The following RBMS3 variants were observed in gnomAD, a reference collection of about 807,000 sequenced individuals.
RBMS3 encodes RNA binding motif single stranded interacting protein 3.
In RBMS3, 27 loss-of-function variants were observed where a neutral mutation model predicts 66.8. The observed-to-expected ratio is 0.40, with a 90% confidence interval of 0.30 to 0.56. The LOEUF is 0.56. RBMS3 is among the 20% of genes least tolerant of loss of function. RBMS3 has a pLI of 0.40. For missense variants in RBMS3, 513 were observed against 549.5 expected (o/e 0.93, Z 0.66); for synonymous variants, 188 against 183.0 (o/e 1.03, Z -0.22).
intron 4 of RBMS3, among the ~76,000 whole-genome samples, chr3:29,658,854 G>A (rs1484153673): frequency 6.6e-6 from 1 of 152,156 alleles, no homozygotes; most frequent in Non-Finnish European, 1.5e-5. Flanking sequence ...ACGGAGTCTC[G>A]CTCTGTCAGC....
chr3:29,901,603 T>C (rs1246408363), intron 10 of RBMS3, among the ~76,000 whole-genome samples: 3 of 151,750 alleles, frequency 2.0e-5, no homozygotes, highest in Non-Finnish European at 2.9e-5. Flanking sequence ...CGTGTTCGCA[T>C]GTATTATTTC....
intron 14 of RBMS3, among the ~76,000 whole-genome samples, chr3:30,002,365 G>A (rs1699649629): frequency 1.3e-5 from 2 of 151,534 alleles, no homozygotes; most frequent in African/African-American, 4.8e-5. Context: ...AGATGGGAGT[G>A]AGAACAAAGA....
chr3:29,870,866 A>C (rs1165569911), intron 7 of RBMS3, among the ~76,000 whole-genome samples: 1 of 152,132 alleles, frequency 6.6e-6, no homozygotes, highest in Non-Finnish European at 1.5e-5. Flanking sequence ...TTGAGAGAAG[A>C]TAGATTAGGC....
chr3:29,421,932 G>A (rs753246108), intron 1 of RBMS3, among the ~76,000 whole-genome samples: 3 of 152,270 alleles, frequency 2.0e-5, no homozygotes, highest in Middle Eastern at 3.4e-3. Flanking sequence ...CCAAAAGAAC[G>A]TTACTGTTCA....
At chr3:29,910,836 A>T (rs1486079046) in intron 10 of RBMS3, among the ~76,000 whole-genome samples, 2 of 151,988 alleles carry the variant, frequency 1.3e-5, no homozygotes, top group Non-Finnish European at 2.9e-5. Flanking sequence ...AGGTTTGCTT[A>T]AAGAATTATG....
chr3:29,912,004 TAA>T (rs1553698601), intron 10 of RBMS3, among the ~76,000 whole-genome samples: 1 of 151,932 alleles, frequency 6.6e-6, no homozygotes, highest in African/African-American at 2.4e-5. Flanking sequence ...GATAGATAGA[TAA>T]ATAGATGATA....
At chr3:29,792,841 CA>C (rs2057056267) in intron 6 of RBMS3, among the ~76,000 whole-genome samples, 1 of 152,092 alleles carries the variant, frequency 6.6e-6, no homozygotes, top group African/African-American at 2.4e-5. Context: ...GGAACCAAAG[CA>C]AAGCAATAAA....
rs1053772459 is a variant in RBMS3, at chr3:29,484,900, G to A, written c.249-3541G>A. Among the ~76,000 whole-genome samples, 4 of 152,174 alleles carry A rather than the reference G, an allele frequency of 2.6e-5. No individual in the cohort carries two copies. The East Asian group carries it at 7.7e-4, about 29-fold the overall frequency. ...AGTCTGGTATCAATATAGAAGGCATGTGAAAAATGAGTTAGCTGAGAGTTA... is the reference window on the plus strand; with the variant it reads ...AGTCTGGTATCAATATAGAAGGCATATGAAAAATGAGTTAGCTGAGAGTTA... On this transcript the variant is annotated intron_variant, in intron 2 of 14. Coordinates refer to ENST00000383767, the MANE Select transcript of RBMS3 (RefSeq NM_001003793.3).
At chr3:29,732,327 CT>C (rs2149337851) in intron 4 of RBMS3, among the ~76,000 whole-genome samples, 1 of 152,264 alleles carries the variant, frequency 6.6e-6, no homozygotes, top group Non-Finnish European at 1.5e-5. Flanking sequence ...GAGGATCAGC[CT>C]TTTTGTTTTA....
rs75776647 is a variant in RBMS3 at position 29,531,149 on chromosome 3, T to G, written c.307+42650T>G. On this transcript the variant is annotated intron_variant, in intron 3 of 14. Transcript: ENST00000383767. ...AGTGAGGAATGGAAACTTCGTATTTTGTTACCAGGAGAATGGTGGTCAATT... is the reference window on the plus strand; with the variant it reads ...AGTGAGGAATGGAAACTTCGTATTTGGTTACCAGGAGAATGGTGGTCAATT... Among the ~76,000 whole-genome samples, 284 of 152,332 alleles carry G rather than the reference T, an allele frequency of 1.9e-3. 2 individuals are homozygous for G. Among genetic ancestry groups the G allele is most frequent in the African/African-American group, 6.5e-3 (272 of 41,576 alleles).
intron 1 of RBMS3, among the ~76,000 whole-genome samples, chr3:29,328,160 C>A (rs995766027): frequency 1.3e-5 from 2 of 152,142 alleles, no homozygotes; most frequent in Non-Finnish European, 2.9e-5. Context: ...ATTTAAACAA[C>A]GTGGCACGTT....
chr3:29,309,703 T>C (rs555751014), intron 1 of RBMS3, among the ~76,000 whole-genome samples: 31 of 151,650 alleles, frequency 2.0e-4, no homozygotes, highest in Non-Finnish European at 4.0e-4. Flanking sequence ...TGAAATTTCA[T>C]GCCAAAAGGA....
intron 6 of RBMS3, among the ~76,000 whole-genome samples, chr3:29,840,769 A>C (rs2058643664): frequency 6.6e-6 from 1 of 152,030 alleles, no homozygotes; most frequent in South Asian, 2.1e-4. Context: ...AAATGAATGA[A>C]TATTTGTATT....
At chr3:29,625,654 C>T (rs979943620) in intron 4 of RBMS3, among the ~76,000 whole-genome samples, 4 of 151,184 alleles carry the variant, frequency 2.6e-5, no homozygotes, top group African/African-American at 9.7e-5. Context: ...GCTGAGATTG[C>T]GCCATTGCAC....
chr3:29,881,157 T>C (rs2149573883), intron 7 of RBMS3, among the ~76,000 whole-genome samples: 1 of 152,120 alleles, frequency 6.6e-6, no homozygotes, highest in Non-Finnish European at 1.5e-5. Flanking sequence ...TTTTCCATAG[T>C]ACTCCTTTTT....
intron 2 of RBMS3, among the ~76,000 whole-genome samples, chr3:29,471,977 A>C (rs899243460): frequency 6.6e-6 from 1 of 152,064 alleles, no homozygotes; most frequent in African/African-American, 2.4e-5. Flanking sequence ...CTCCATGTCT[A>C]TGTATCTCAT....
intron 12 of RBMS3, among the ~76,000 whole-genome samples, chr3:29,944,902 C>A (rs1404721285): frequency 6.6e-6 from 1 of 151,632 alleles, no homozygotes; most frequent in Non-Finnish European, 1.5e-5. Context: ...AGCAATATTT[C>A]AGTTGTTTCA....
intron 1 of RBMS3, among the ~76,000 whole-genome samples, chr3:29,307,605 T>G (rs1176588555): frequency 6.6e-6 from 1 of 151,892 alleles, no homozygotes. Context: ...GGTGAAAGCC[T>G]GAGAAGAACA....
intron 1 of RBMS3, among the ~76,000 whole-genome samples, chr3:29,309,344 A>G (rs2125462043): frequency 6.6e-6 from 1 of 152,000 alleles, no homozygotes. Context: ...GAAGTCTGCT[A>G]GAAATTTATC....
Sources: allele counts gnomAD v4.1 joint callset (sites outside exome capture counted in the v4.1 genomes callset), GRCh38; gene constraint gnomAD v4.1.1; transcripts MANE v1.5; gene names NCBI Gene and HGNC (gene_info 2026-07-23, HGNC 2026-07-21).